HYDIN: variants seen among roughly 807,000 people sequenced by gnomAD.
HYDIN encodes the protein HYDIN axonemal central pair apparatus protein, also known as axonemal central pair apparatus protein HYDIN.
HYDIN carries 132 observed loss-of-function variants against 403.9 expected under a neutral mutation model. That is an observed-to-expected ratio of 0.33 (90% CI 0.28 to 0.38). The LOEUF (loss-of-function observed/expected upper bound fraction) is 0.38. Ranked by LOEUF, HYDIN falls within the 10% of genes least tolerant of loss-of-function variation. The probability of loss-of-function intolerance (pLI) is 1.00; values close to 1 mark genes in which losing one functional copy is unlikely to be tolerated. For missense variants in HYDIN, 2,827 were observed against 5,009.5 expected (o/e 0.56, Z 13.15); for synonymous variants, 1,202 against 1,891.7 (o/e 0.64, Z 9.46).
chr16:70,990,150 C>A (rs2079299996), intron 25 of HYDIN, among the ~76,000 whole-genome samples: 2 of 151,832 alleles, frequency 1.3e-5, no homozygotes, highest in African/African-American at 2.4e-5. Flanking sequence ...AATCCCAGGA[C>A]TTTGGGAGGC....
intron 37 of HYDIN, among the ~76,000 whole-genome samples, chr16:70,963,218 A>C (rs1367822442): frequency 6.6e-6 from 1 of 151,580 alleles, no homozygotes; most frequent in African/African-American, 2.4e-5. Context: ...TTTCCCCGGC[A>C]CTTTTTTCAC....
intron 1 of HYDIN, chr16:71,204,178 A>G (rs2088171859): frequency 5.8e-6 from 1 of 171,368 alleles, no homozygotes; most frequent in African/African-American, 2.4e-5. Context: ...AAACATTATT[A>G]AACATATTAA....
At chr16:71,119,187 CT>C (rs1276287197) in intron 9 of HYDIN, among the ~76,000 whole-genome samples, 4 of 136,570 alleles carry the variant, frequency 2.9e-5, no homozygotes, top group African/African-American at 1.1e-4. Context: ...GGGTAACACA[CT>C]TCAGTTTCTC....
At chr16:70,824,573 G>A (rs2036466321) in intron 83 of HYDIN, among the ~76,000 whole-genome samples, 1 of 151,336 alleles carries the variant, frequency 6.6e-6, no homozygotes, top group African/African-American at 2.4e-5. Context: ...TGTTGCCCAG[G>A]CTGGAGTGCA....
At chr16:71,055,986 T>A (rs1327112721) in intron 18 of HYDIN, among the ~76,000 whole-genome samples, 2 of 152,148 alleles carry the variant, frequency 1.3e-5, no homozygotes, top group Non-Finnish European at 2.9e-5. Context: ...CCTGGGGCAC[T>A]GCTGCATCCT....
intron 23 of HYDIN, among the ~76,000 whole-genome samples, chr16:71,017,350 CAAAA>C (rs57153160): frequency 1.7e-4 from 18 of 108,632 alleles, no homozygotes; most frequent in Admixed American, 2.7e-4. Flanking sequence ...AACTCTGTCT[CAAAA>C]AAAAAAAAAA....
chr16:71,181,673 C>G (rs1490042821), intron 3 of HYDIN, among the ~76,000 whole-genome samples: 2 of 152,014 alleles, frequency 1.3e-5, no homozygotes, highest in African/African-American at 4.8e-5. Flanking sequence ...GAGCACAAAG[C>G]AAATATTTAA....
chr16:70,837,941 G>A (rs2037549895), intron 76 of HYDIN, 53 bp from the exon 77 acceptor site: 3 of 1,563,666 alleles, frequency 1.9e-6, no homozygotes, highest in Admixed American at 1.8e-5. Flanking sequence ...TGACCCAGAG[G>A]GGCAGATGCT....
intron 28 of HYDIN, among the ~76,000 whole-genome samples, chr16:70,982,086 C>T (rs1404310190): frequency 1.3e-5 from 2 of 148,404 alleles, no homozygotes; most frequent in Non-Finnish European, 3.0e-5. Context: ...CGAGATCGCG[C>T]CACTGCACTC....
chr16:71,158,566 C>T (rs1395974393), intron 6 of HYDIN, among the ~76,000 whole-genome samples: 2 of 146,136 alleles, frequency 1.4e-5, no homozygotes, highest in Non-Finnish European at 3.0e-5. Flanking sequence ...CTTGCATATC[C>T]ACCTTAGGTA....
intron 3 of HYDIN, among the ~76,000 whole-genome samples, chr16:71,182,463 C>T (rs1419738085): frequency 2.0e-5 from 3 of 151,928 alleles, no homozygotes; most frequent in African/African-American, 7.2e-5. Flanking sequence ...TTTGTGAAGG[C>T]AGAATTCATA....
chr16:71,126,726 T>C (rs1319009628), intron 9 of HYDIN, among the ~76,000 whole-genome samples: 2 of 152,208 alleles, frequency 1.3e-5, no homozygotes, highest in African/African-American at 2.4e-5. Flanking sequence ...GCCTCGGATA[T>C]GTTTCTTTGT....
At chr16:70,857,127 T>TA (rs1352434202) in intron 72 of HYDIN, among the ~76,000 whole-genome samples, 1 of 130,188 alleles carries the variant, frequency 7.7e-6, no homozygotes, top group Non-Finnish European at 1.6e-5. Flanking sequence ...CTAAAGCACT[T>TA]ATTACCATCT....
intron 10 of HYDIN, among the ~76,000 whole-genome samples, chr16:71,111,587 T>C (rs969275076): frequency 6.6e-6 from 1 of 150,704 alleles, no homozygotes; most frequent in African/African-American, 2.4e-5. Flanking sequence ...AAGCGGACTA[T>C]TTAAGTTCAG....
chr16:70,859,096 T>C (rs943031703), intron 71 of HYDIN, among the ~76,000 whole-genome samples: 1 of 151,426 alleles, frequency 6.6e-6, no homozygotes, highest in Non-Finnish European at 1.5e-5. Flanking sequence ...GGTCAGGAGA[T>C]TGAGACCATC....
chr16:70,928,449 A>G (rs2077220408), intron 45 of HYDIN, among the ~76,000 whole-genome samples: 1 of 152,174 alleles, frequency 6.6e-6, no homozygotes, highest in Non-Finnish European at 1.5e-5. Context: ...ATGGAGTCAG[A>G]CCCTGCCTAA....
chr16:70,945,033 A>G (rs1239011062), intron 41 of HYDIN, among the ~76,000 whole-genome samples: 1 of 152,246 alleles, frequency 6.6e-6, no homozygotes, highest in Non-Finnish European at 1.5e-5. Flanking sequence ...GATTACAGGC[A>G]TGAGCCATTG....
intron 6 of HYDIN, among the ~76,000 whole-genome samples, chr16:71,157,587 G>A (rs1312280266): frequency 2.6e-5 from 4 of 152,166 alleles, no homozygotes; most frequent in African/African-American, 9.7e-5. Flanking sequence ...GCCAGCTGTG[G>A]CTAATTTAAA....
chr16:71,220,101 T>C (rs929864988), intron 1 of HYDIN, among the ~76,000 whole-genome samples: 4 of 152,092 alleles, frequency 2.6e-5, no homozygotes, highest in Non-Finnish European at 5.9e-5. Flanking sequence ...AAACATAAAA[T>C]CTGAGGGCTG....
Sources: gnomAD v4.1 joint callset for allele counts (sites outside exome capture counted in the v4.1 genomes callset) on GRCh38, gnomAD v4.1.1 for gene constraint, MANE v1.5 for transcripts, NCBI Gene and HGNC (gene_info 2026-07-23, HGNC 2026-07-21) for gene names.